Variants in UTRN observed in about 807,000 individuals in gnomAD.
UTRN encodes utrophin, also known as dystrophin-related protein 1.
In UTRN, 283 loss-of-function variants were observed where a neutral mutation model predicts 463.9. The observed-to-expected ratio is 0.61, with a 90% CI of 0.55 to 0.67. The LOEUF is 0.67. Among genes scored for constraint, UTRN ranks in the 30% least tolerant of loss-of-function variants. The pLI, the probability that UTRN is intolerant of heterozygous loss-of-function variation, is 0.00. For missense variants in UTRN, 3,922 were observed against 4,084.3 expected (o/e 0.96, Z 1.08); for synonymous variants, 1,442 against 1,431.5 (o/e 1.01, Z -0.17).
At chr6:144,705,796 A>T (rs1785034365) in intron 53 of UTRN, among the ~76,000 whole-genome samples, 1 of 152,164 alleles carries the variant, frequency 6.6e-6, no homozygotes, top group Non-Finnish European at 1.5e-5. Flanking sequence ...ATATAATTTT[A>T]TTTAATTATG....
At chr6:144,500,030 G>C (rs1354346066) in intron 34 of UTRN, among the ~76,000 whole-genome samples, 1 of 152,196 alleles carries the variant, frequency 6.6e-6, no homozygotes, top group East Asian at 1.9e-4. Flanking sequence ...GGGCACCTAG[G>C]TTGATGACAT....
intron 73 of UTRN, among the ~76,000 whole-genome samples, chr6:144,845,470 A>C (rs1781935738): frequency 6.6e-6 from 1 of 152,220 alleles, no homozygotes; most frequent in Admixed American, 6.5e-5. Flanking sequence ...TCAAAAACCC[A>C]AAACCCACTG....
At chr6:144,321,290 G>A (rs564320266) in intron 2 of UTRN, among the ~76,000 whole-genome samples, 59 of 151,992 alleles carry the variant, frequency 3.9e-4, no homozygotes, top group African/African-American at 1.3e-3. Context: ...ATATGTGCAT[G>A]TACACACATA....
chr6:144,290,379 G>A (rs184587948), intron 1 of UTRN, among the ~76,000 whole-genome samples: 3 of 152,190 alleles, frequency 2.0e-5, no homozygotes, highest in Admixed American at 6.5e-5. Context: ...TTTTCAAGAC[G>A]CTGACAGTTT....
At chr6:144,610,814 G>A (rs1805421880) in intron 51 of UTRN, among the ~76,000 whole-genome samples, 1 of 152,210 alleles carries the variant, frequency 6.6e-6, no homozygotes, top group African/African-American at 2.4e-5. Context: ...GGCATAGGTT[G>A]CAGTGAGCCG....
intron 51 of UTRN, among the ~76,000 whole-genome samples, chr6:144,626,770 G>A (rs1321327139): frequency 6.6e-6 from 1 of 152,212 alleles, no homozygotes; most frequent in Non-Finnish European, 1.5e-5. Flanking sequence ...CTCCCGAGTA[G>A]CTGGGACTAC....
intron 51 of UTRN, among the ~76,000 whole-genome samples, chr6:144,600,102 G>T (rs1485380091): frequency 6.6e-6 from 1 of 152,120 alleles, no homozygotes; most frequent in African/African-American, 2.4e-5. Flanking sequence ...GTTGTGTGTG[G>T]TCTGACTGTT....
chr6:144,499,473 A>G, intron 34 of UTRN, 46 bp downstream of exon 34: 1 of 1,519,760 alleles, frequency 6.6e-7, no homozygotes, highest in South Asian at 1.3e-5. Flanking sequence ...CCAGCGTAAC[A>G]TGGCATTTGT....
Position 144,775,925 on chromosome 6 carries a change from C to T in UTRN, c.8632+1561C>T, listed in dbSNP as rs1400978663. Among the ~76,000 whole-genome samples the T allele has an allele frequency of 3.3e-5, 5 of 152,224 alleles. No homozygotes were observed. The South Asian group carries it at 8.3e-4, about 25-fold the overall frequency. On this transcript the variant is annotated intron_variant, in intron 60 of 74. Coordinates refer to ENST00000367545, the MANE Select transcript of UTRN (RefSeq NM_007124.3). ...AGGAACAGAAGGGACGCTTCTCCAA[C>T]TTCTAAACTAAACGAGATTGGTAAT...
chr6:144,600,611 G>A (rs900653216), intron 51 of UTRN, among the ~76,000 whole-genome samples: 1 of 152,158 alleles, frequency 6.6e-6, no homozygotes, highest in African/African-American at 2.4e-5. Context: ...ATCTAGAAGA[G>A]GTTGGTTCAT....
rs1803668393 is a variant in UTRN, at chr6:144,286,473, G to A, written c.-93+652G>A. Among the ~76,000 whole-genome samples, 1 of 152,212 alleles carries A rather than the reference G, an allele frequency of 6.6e-6. No individual in the cohort carries two copies. The highest frequency in any genetic ancestry group is 1.5e-5 in the Non-Finnish European group (1 of 68,034). On this transcript the variant is annotated intron_variant, in intron 1 of 74. Coordinates refer to ENST00000367545, the MANE Select transcript of UTRN (RefSeq NM_007124.3). This position sits in a 1 kb window ranked among gnomAD's most constrained non-coding sequence, Gnocchi z 4.4. ...CTGGCAGCGGCCCTGGAGAGACTGA[G>A]GGGACAGGAGGAGGGGGGCGCCCCA...
At chr6:144,554,916 T>C in intron 49 of UTRN, 23 bp downstream of exon 49, 1 of 1,612,556 alleles carries the variant, frequency 6.2e-7, no homozygotes. Flanking sequence ...AGATATTTTT[T>C]GGCAGTATTG....
intron 65 of UTRN, among the ~76,000 whole-genome samples, chr6:144,805,221 T>C (rs191011387): frequency 6.6e-6 from 1 of 152,112 alleles, no homozygotes; most frequent in East Asian, 1.9e-4. Context: ...TGTATCAGAG[T>C]ATACCCAGAA....
At chr6:144,739,551 C>T (rs1053874180) in intron 54 of UTRN, among the ~76,000 whole-genome samples, 1 of 152,138 alleles carries the variant, frequency 6.6e-6, no homozygotes, top group African/African-American at 2.4e-5. Flanking sequence ...ATTGGAGCCT[C>T]ATTCATTGTA....
At chr6:144,814,639 A>G (rs924879511) in intron 65 of UTRN, among the ~76,000 whole-genome samples, 1 of 152,246 alleles carries the variant, frequency 6.6e-6, no homozygotes, top group Non-Finnish European at 1.5e-5. Flanking sequence ...TTATATCACT[A>G]CAAATAAAGC....
intron 4 of UTRN, 29 bp downstream of exon 4, chr6:144,421,999 A>C (rs755271510): frequency 1.1e-5 from 17 of 1,583,528 alleles, no homozygotes; most frequent in Non-Finnish European, 1.2e-5. Flanking sequence ...TAAACAACGG[A>C]GTCTCCGGTC....
intron 65 of UTRN, among the ~76,000 whole-genome samples, chr6:144,809,661 A>G (rs1196360196): frequency 1.3e-5 from 2 of 152,108 alleles, no homozygotes; most frequent in Non-Finnish European, 2.9e-5. Flanking sequence ...GTGTGACTGA[A>G]GTGGGACATA....
intron 2 of UTRN, among the ~76,000 whole-genome samples, chr6:144,323,514 T>C (rs1775793713): frequency 6.6e-6 from 1 of 152,234 alleles, no homozygotes; most frequent in Non-Finnish European, 1.5e-5. Context: ...TCAGAATCCA[T>C]GAAGCACAAC....
intron 54 of UTRN, among the ~76,000 whole-genome samples, chr6:144,732,277 T>TATATAC (rs1788740544): frequency 4.5e-5 from 4 of 88,744 alleles, no homozygotes; most frequent in African/African-American, 2.0e-4. Flanking sequence ...TATATATATA[T>TATATAC]ACACACATAT....
Sources: allele counts gnomAD v4.1 joint callset (sites outside exome capture counted in the v4.1 genomes callset), GRCh38; gene constraint gnomAD v4.1.1; non-coding constraint Gnocchi (gnomAD v3.1); transcripts MANE v1.5; gene names NCBI Gene and HGNC (gene_info 2026-07-23, HGNC 2026-07-21).